Variants in PDK1 observed in about 807,000 individuals in gnomAD.
PDK1 encodes pyruvate dehydrogenase kinase 1, also known as [Pyruvate dehydrogenase (acetyl-transferring)] kinase isozyme 1, mitochondrial.
Under a neutral mutation model 54.2 loss-of-function variants are expected in PDK1, and 39 were observed. The observed-to-expected ratio is 0.72, with a 90% CI of 0.56 to 0.94. The LOEUF (loss-of-function observed/expected upper bound fraction) is 0.94, where lower values mean the gene tolerates loss of function less well. Ranked by LOEUF, PDK1 falls within the 40% of genes least tolerant of loss-of-function variation. The pLI is 0.00. For synonymous variants in PDK1, 221 were observed against 207.1 expected, an observed-to-expected ratio of 1.07 and a Z score of -0.58; for missense variants, 552 against 566.0, an observed-to-expected ratio of 0.98 and a Z score of 0.25.
rs1691301038 is a variant in PDK1, at chr2:172,606,553, A to G, written c.*10584A>G. Reference sequence around the variant, plus strand: ...TCTGTGCAGTTGTCCATATGCTGTCATGAGTTTTGCCATATGTATCATCTG... The same window carrying G: ...TCTGTGCAGTTGTCCATATGCTGTCGTGAGTTTTGCCATATGTATCATCTG... On this transcript the variant is annotated 3_prime_UTR_variant, in exon 11 of 11. Coordinates refer to ENST00000282077, the MANE Select transcript of PDK1 (RefSeq NM_002610.5). The G allele has an allele frequency of 6.6e-6, 1 of 152,148 alleles. No homozygotes were observed. The highest frequency in any genetic ancestry group is 2.4e-5 in the African/African-American group (1 of 41,422). 9.4% of individuals were successfully genotyped at this position (152,148 alleles called of 1,614,324 possible). A position where few individuals can be genotyped will look rare whatever the true frequency, so the allele number is the denominator to read the frequency against.
intron 9 of PDK1, 101 bp from the exon 10 acceptor site, chr2:172,592,834 G>A: frequency 3.3e-6 from 2 of 604,456 alleles, no homozygotes; most frequent in Non-Finnish European, 6.1e-6. Context: ...CTCAGATGCG[G>A]GCTCTGATAG....
At chr2:172,613,699 A>G in the PDK1 span, among the ~76,000 whole-genome samples, 1 of 152,290 alleles carries the variant, frequency 6.6e-6, no homozygotes, top group African/African-American at 2.4e-5. Flanking sequence ...ATTTCTGTGG[A>G]ATACCTACCC....
the PDK1 span, among the ~76,000 whole-genome samples, chr2:172,690,185 G>C: frequency 6.7e-6 from 1 of 150,294 alleles, no homozygotes. Flanking sequence ...CAAAAAGTGG[G>C]CAAAGGATAT....
At chr2:172,722,795 G>A in the PDK1 span, among the ~76,000 whole-genome samples, 20 of 152,132 alleles carry the variant, frequency 1.3e-4, no homozygotes, top group South Asian at 4.2e-3. Flanking sequence ...CAAGTAAGAG[G>A]CACTTACCAT....
the PDK1 span, among the ~76,000 whole-genome samples, chr2:172,619,944 C>A: frequency 6.6e-6 from 1 of 152,300 alleles, no homozygotes; most frequent in African/African-American, 2.4e-5. Flanking sequence ...GTGGGTGGAT[C>A]ATTTGAGGTC....
chr2:172,616,807 T>C, the PDK1 span, among the ~76,000 whole-genome samples: 1 of 152,226 alleles, frequency 6.6e-6, no homozygotes, highest in Admixed American at 6.5e-5. Context: ...GTAGTAGGAC[T>C]GACAGTAGAA....
At chr2:172,566,274 G>A (rs1055510266) in intron 5 of PDK1, among the ~76,000 whole-genome samples, 4 of 152,084 alleles carry the variant, frequency 2.6e-5, no homozygotes, top group Non-Finnish European at 5.9e-5. Flanking sequence ...CTTTCCCTGG[G>A]CCAGGCACAG....
chr2:172,646,233 G>C, the PDK1 span, among the ~76,000 whole-genome samples: 2 of 152,098 alleles, frequency 1.3e-5, no homozygotes, highest in Admixed American at 1.3e-4. Flanking sequence ...GTTTAAATTA[G>C]ATGACAACTT....
intron 8 of PDK1, among the ~76,000 whole-genome samples, chr2:172,572,286 C>T (rs573015010): frequency 2.0e-5 from 3 of 152,272 alleles, no homozygotes; most frequent in East Asian, 1.9e-4. Flanking sequence ...ATATGAAATT[C>T]GAAGCTGAGA....
At chr2:172,561,511 C>T (rs747362077) in intron 2 of PDK1, among the ~76,000 whole-genome samples, 15 of 152,188 alleles carry the variant, frequency 9.9e-5, no homozygotes, top group African/African-American at 1.7e-4. Context: ...CTTACACTGT[C>T]GAAGAAAGTA....
At chr2:172,715,395 C>T in the PDK1 span, among the ~76,000 whole-genome samples, 1 of 152,194 alleles carries the variant, frequency 6.6e-6, no homozygotes, top group African/African-American at 2.4e-5. Flanking sequence ...TTAAAACCAT[C>T]CAAGATTACA....
At chr2:172,682,514 G>A in the PDK1 span, among the ~76,000 whole-genome samples, 1 of 152,226 alleles carries the variant, frequency 6.6e-6, no homozygotes, top group Non-Finnish European at 1.5e-5. Flanking sequence ...AGAGTTGTCA[G>A]TGGAAGCAGC....
chr2:172,586,284 G>T lies in PDK1; in HGVS notation c.952G>T (p.Asp318Tyr). ...GATCCTTTTCTTACCTTAGATGAGT[G>T]ACCGAGGAGGTGGCGTTCCTTTGAG... Reference protein sequence around the residue: ...GNEDLTVKMSDRGGGVPLRKI... With the variant: ...GNEDLTVKMSYRGGGVPLRKI... The change falls in exon 9 of 11, where the codon GAC becomes TAC. Residue 318 changes from aspartate to tyrosine, a missense_variant. Asp to Tyr is a radical substitution (Grantham distance 160). Coordinates refer to ENST00000282077, the MANE Select transcript of PDK1 (RefSeq NM_002610.5). 3 of 1,605,074 alleles carry T rather than the reference G, an allele frequency of 1.9e-6. 1 individual carries two copies. In the South Asian group the frequency reaches 3.3e-5, roughly 18 times the overall value.
At position 172,570,714 on chromosome 2, in the gene PDK1, A is replaced by G. The variant is rs765536928; in HGVS notation, c.847-12A>G. 2.0e-6 allele frequency: 3 copies of G among 1,473,542 alleles called. No homozygotes were observed. Among genetic ancestry groups the G allele is most frequent in the Non-Finnish European group, 2.8e-6 (3 of 1,054,288 alleles). The allele number at this position is 1,473,542 out of a possible 1,614,324, so 91.3% of individuals were successfully genotyped here. A position where few individuals can be genotyped will look rare whatever the true frequency, so the allele number is the denominator to read the frequency against. ...AAAGCTGTATTTTTAATACAACCCT[A>G]ATGTATTTCAGAATGCAATGAGAGC... On this transcript the variant is annotated splice_polypyrimidine_tract_variant and intron_variant, in intron 7 of 10. Coordinates refer to ENST00000282077, the MANE Select transcript of PDK1 (RefSeq NM_002610.5).
At chr2:172,681,281 C>A in the PDK1 span, among the ~76,000 whole-genome samples, 2 of 152,184 alleles carry the variant, frequency 1.3e-5, no homozygotes, top group Non-Finnish European at 2.9e-5. Flanking sequence ...CGCCCCAGTC[C>A]CAGTGAAGTT....
At chr2:172,708,885 C>A in the PDK1 span, among the ~76,000 whole-genome samples, 1 of 152,110 alleles carries the variant, frequency 6.6e-6, no homozygotes, top group South Asian at 2.1e-4. Context: ...TGGAACTTTC[C>A]GTCTGTGGCA....
At chr2:172,583,997 T>G (rs1418722818) in intron 8 of PDK1, among the ~76,000 whole-genome samples, 1 of 152,176 alleles carries the variant, frequency 6.6e-6, no homozygotes, top group African/African-American at 2.4e-5. Flanking sequence ...AAGTCCATGT[T>G]AACTTTGAAG....
chr2:172,632,165 G>A, the PDK1 span, among the ~76,000 whole-genome samples: 1 of 151,998 alleles, frequency 6.6e-6, no homozygotes, highest in Non-Finnish European at 1.5e-5. Flanking sequence ...CTATAGGGAG[G>A]CTGAGGCAGG....
chr2:172,586,257 A>G (rs1439538089), intron 8 of PDK1, 21 bp from the exon 9 acceptor site: 3 of 1,487,250 alleles, frequency 2.0e-6, no homozygotes, highest in Admixed American at 3.3e-5. Context: ...GGCATAGAGC[A>G]CGATCCTTTT....
Sources: allele counts gnomAD v4.1 joint callset (sites outside exome capture counted in the v4.1 genomes callset), GRCh38; gene constraint gnomAD v4.1.1; transcripts MANE v1.5; gene names NCBI Gene and HGNC (gene_info 2026-07-23, HGNC 2026-07-21).